AGL: variants seen among roughly 807,000 people sequenced by gnomAD.
AGL encodes the protein amylo-alpha-1,6-glucosidase and 4-alpha-glucanotransferase.
In AGL, 128 loss-of-function variants were observed where a neutral mutation model predicts 199.3. The ratio of observed to expected loss-of-function variants is 0.64; its 90% CI spans 0.56 to 0.74. AGL has a LOEUF of 0.74. Among genes scored for constraint, AGL ranks in the 30% least tolerant of loss-of-function variants. The pLI, the probability that AGL is intolerant of heterozygous loss-of-function variation, is 0.00. For synonymous variants in AGL, 584 were observed against 594.7 expected, an observed-to-expected ratio of 0.98 and a Z score of 0.26; for missense variants, 1,809 against 1,820.8, an observed-to-expected ratio of 0.99 and a Z score of 0.12.
chr1:99,901,382 TAAAAA>T (rs58305886), intron 26 of AGL, among the ~76,000 whole-genome samples: 2 of 107,758 alleles, frequency 1.9e-5, no homozygotes, highest in African/African-American at 3.6e-5. Context: ...TCAGTCTCTT[TAAAAA>T]AAAAAAAAAA....
intron 13 of AGL, 98 bp downstream of exon 13, chr1:99,880,144 T>C: frequency 6.6e-7 from 1 of 1,505,162 alleles, no homozygotes; most frequent in Non-Finnish European, 9.2e-7. Flanking sequence ...AATAATTTTT[T>C]AACACAGTTA....
intron 21 of AGL, 123 bp downstream of exon 21, chr1:99,888,231 C>A: frequency 7.9e-7 from 1 of 1,260,552 alleles, no homozygotes. Context: ...GGCTCTGCTT[C>A]TGCTCATTAA....
At chr1:99,859,012 A>G (rs1571222056) in intron 2 of AGL, among the ~76,000 whole-genome samples, 1 of 152,112 alleles carries the variant, frequency 6.6e-6, no homozygotes, top group East Asian at 1.9e-4. Flanking sequence ...GAGATTTTAG[A>G]TGAGTTTTAA....
intron 21 of AGL, among the ~76,000 whole-genome samples, chr1:99,888,972 G>T (rs1017934371): frequency 6.6e-6 from 1 of 152,072 alleles, no homozygotes; most frequent in African/African-American, 2.4e-5. Flanking sequence ...TTGATAGTTA[G>T]TATAATGATT....
intron 24 of AGL, among the ~76,000 whole-genome samples, chr1:99,894,718 A>G (rs1301429378): frequency 2.0e-5 from 3 of 152,314 alleles, no homozygotes; most frequent in African/African-American, 7.2e-5. Flanking sequence ...GGAATTGCCA[A>G]AACTTTCTTT....
chr1:99,895,375 A>G (rs557615916), intron 24 of AGL, among the ~76,000 whole-genome samples: 4 of 152,322 alleles, frequency 2.6e-5, no homozygotes, highest in Admixed American at 6.5e-5. Context: ...AAAACCTCCA[A>G]TTACCTAGAA....
rs369068676 is a variant in AGL, at chr1:99,862,288, G to T, written c.325G>T (p.Val109Leu). ...NEKSGGGYIV[V>L]DPILRVGADN... Reference sequence around the variant, plus strand: ...GAAAAGTGGTGGAGGTTACATAGTTGTGGACCCCATTTTACGTGTTGGTGC... The same window carrying T: ...GAAAAGTGGTGGAGGTTACATAGTTTTGGACCCCATTTTACGTGTTGGTGC... Residue 109 changes from valine (V) to leucine (L), a missense_variant, in exon 4 of 34, where the codon GTG becomes TTG. Physicochemically the swap from Val to Leu is conservative, Grantham distance 32 (BLOSUM62 1). Coordinates refer to ENST00000361915, the MANE Select transcript of AGL (RefSeq NM_000642.3). 2.8e-5 allele frequency: 45 copies of T among 1,613,772 alleles called. No individual in the cohort carries two copies. In the Admixed American group the frequency reaches 6.0e-4, roughly 22 times the overall value.
intron 25 of AGL, among the ~76,000 whole-genome samples, chr1:99,896,983 A>AG (rs1435557720): frequency 6.6e-5 from 10 of 151,936 alleles, no homozygotes; most frequent in Non-Finnish European, 1.2e-4. Context: ...CGCCCAGCTA[A>AG]TTTTTGTATT....
intron 2 of AGL, among the ~76,000 whole-genome samples, chr1:99,853,007 A>G (rs1263271091): frequency 6.6e-6 from 1 of 152,114 alleles, no homozygotes; most frequent in Admixed American, 6.5e-5. Flanking sequence ...TATAGTTCCC[A>G]GGGTAGAAAC....
At position 99,864,564 on chromosome 1, in the gene AGL, T is replaced by C. The variant is rs2101094280; in HGVS notation, c.639T>C (p.Ile213=). 6.2e-7 allele frequency: 1 copy of C among 1,613,828 alleles called. No homozygotes were observed. The highest frequency in any genetic ancestry group is 8.5e-7 in the Non-Finnish European group (1 of 1,179,838). Reference sequence around the variant, plus strand: ...AAAAGGAATGGAATGTTATTTGTATTACTGATGTTGTCTACAATCATACTG... The same window carrying C: ...AAAAGGAATGGAATGTTATTTGTATCACTGATGTTGTCTACAATCATACTG... ...KLKKEWNVIC[I]TDVVYNHTAA... is the part of the protein sequence containing the mutation. The change falls in exon 5 of 34, where the codon ATT becomes ATC. Residue 213 remains isoleucine, a synonymous_variant. Coordinates refer to ENST00000361915, the MANE Select transcript of AGL (RefSeq NM_000642.3).
At chr1:99,896,240 G>A (rs1443197700) in intron 24 of AGL, 46 bp from the exon 25 acceptor site, 11 of 1,466,008 alleles carry the variant, frequency 7.5e-6, no homozygotes, top group Non-Finnish European at 8.6e-6. Flanking sequence ...AGGTTTGTGT[G>A]TATTATTATG....
At chr1:99,903,033 A>G (rs1653969650) in intron 27 of AGL, among the ~76,000 whole-genome samples, 1 of 152,236 alleles carries the variant, frequency 6.6e-6, no homozygotes, top group East Asian at 1.9e-4. Flanking sequence ...AATAATCGCC[A>G]TGAACTGCAT....
chr1:99,851,859 A>G (rs1648975627), intron 2 of AGL, among the ~76,000 whole-genome samples: 1 of 152,152 alleles, frequency 6.6e-6, no homozygotes, highest in East Asian at 1.9e-4. Flanking sequence ...TTTCAAAGGA[A>G]TTTTTAAATT....
intron 12 of AGL, among the ~76,000 whole-genome samples, chr1:99,878,203 A>AT (rs1651710355): frequency 6.6e-6 from 1 of 152,028 alleles, no homozygotes; most frequent in Non-Finnish European, 1.5e-5. Flanking sequence ...CTTATTACAC[A>AT]TTATAGTGGT....
At position 99,861,533 on chromosome 1, in the gene AGL, C is replaced by T; in HGVS notation, c.113C>T (p.Thr38Ile). The T allele has an allele frequency of 6.2e-7, 1 of 1,613,944 alleles. No individual in the cohort carries two copies. Among genetic ancestry groups the T allele is most frequent in the Non-Finnish European group, 8.5e-7 (1 of 1,179,928 alleles). ...GAGCTACAGTTCCGATTAGGCCCAA[C>T]TTTACAGGGAAAAGCAGTTACCGTG... ...GYELQFRLGP[T>I]LQGKAVTVYT... The change falls in exon 3 of 34, where the codon ACT (threonine) becomes ATT (isoleucine). Residue 38 changes from threonine (T) to isoleucine (I), a missense_variant. Thr to Ile is a moderately conservative substitution (Grantham distance 89). Coordinates refer to ENST00000361915, the MANE Select transcript of AGL (RefSeq NM_000642.3).
chr1:99,891,611 T>C lies in AGL; in HGVS notation c.2955T>C (p.Gly985=), dbSNP rs1383175689. The change falls in exon 23 of 34, where the codon GGT becomes GGC. Residue 985 remains glycine (G), a synonymous_variant. Transcript: ENST00000361915. ...ISRSGTIAEV[G]KWLQAMFFYL... Reference sequence around the variant, plus strand: ...CAAATTTATTTTAATTACAGGTTGGTAAATGGTTGCAGGCTATGTTCTTCT... The same window carrying C: ...CAAATTTATTTTAATTACAGGTTGGCAAATGGTTGCAGGCTATGTTCTTCT... 1.2e-6 allele frequency: 2 copies of C among 1,613,426 alleles called. No individual in the cohort carries two copies. Among genetic ancestry groups the C allele is most frequent in the African/African-American group, 1.3e-5 (1 of 74,894 alleles).
In AGL at chr1:99,880,802, A is replaced by C; in HGVS notation, c.1899+7A>C. 1 of 1,613,854 alleles carries C rather than the reference A, an allele frequency of 6.2e-7. No individual in the cohort carries two copies. Among genetic ancestry groups the C allele is most frequent in the East Asian group, 2.2e-5 (1 of 44,854 alleles). The stretch of plus-strand genomic sequence containing the variant: ...TAATGAGTGTCCTATTGTGGTAAGC[A>C]CCTAATCTTTTTCATGTACTTATTT... On this transcript the variant is annotated splice_region_variant and intron_variant, in intron 14 of 33. Coordinates refer to ENST00000361915, the MANE Select transcript of AGL (RefSeq NM_000642.3).
chr1:99,882,215 C>T (rs1396012981), intron 17 of AGL, among the ~76,000 whole-genome samples: 12 of 151,250 alleles, frequency 7.9e-5, no homozygotes. Flanking sequence ...GACAGAAATA[C>T]TTTCAAATGT....
At chr1:99,912,589 T>G in intron 29 of AGL, 72 bp downstream of exon 29, 2 of 1,097,780 alleles carry the variant, frequency 1.8e-6, no homozygotes, top group Middle Eastern at 2.1e-4. Flanking sequence ...GTAATCATCA[T>G]TTGATTCTAT....
Sources: gnomAD v4.1 joint callset for allele counts (sites outside exome capture counted in the v4.1 genomes callset) on GRCh38, gnomAD v4.1.1 for gene constraint, MANE v1.5 for transcripts, NCBI Gene and HGNC (gene_info 2026-07-23, HGNC 2026-07-21) for gene names.